The following TENM4 variants were observed in gnomAD, a reference collection of about 807,000 sequenced individuals.
TENM4 encodes teneurin transmembrane protein 4.
In TENM4, 82 loss-of-function variants were observed where a neutral mutation model predicts 243.3. That is an observed-to-expected ratio of 0.34 (90% confidence interval 0.28 to 0.40). TENM4 has a LOEUF of 0.40. Among genes scored for constraint, TENM4 ranks in the 10% least tolerant of loss-of-function variants. The pLI is 1.00. For synonymous variants in TENM4, 1,412 were observed against 1,456.3 expected, an observed-to-expected ratio of 0.97 and a Z score of 0.69; for missense variants, 3,138 against 3,673.3, an observed-to-expected ratio of 0.85 and a Z score of 3.77.
rs569082783 is a variant in TENM4, at chr11:79,132,345, C to CAAAAAAAAAAAAAAAAAAAAAAAAA, written c.-66+16364_-66+16365insTTTTTTTTTTTTTTTTTTTTTTTTT. ...TGGGAGAAAGAGCAAGACTCCAACT[C>CAAAAAAAAAAAAAAAAAAAAAAAAA]AAAAAAAAAAAAAAAAAGAGAAATG... On this transcript the variant is annotated intron_variant, in intron 4 of 33. Transcript: ENST00000278550. 3.2e-4 allele frequency among the ~76,000 whole-genome samples: 16 copies of CAAAAAAAAAAAAAAAAAAAAAAAAA among 49,942 alleles called. 2 individuals carry two copies. The highest frequency in any genetic ancestry group is 7.6e-4 in the African/African-American group (11 of 14,546). 32.8% of individuals were successfully genotyped at this position (49,942 alleles called of 152,430 possible).
chr11:79,171,223 A>C (rs1863032648), intron 3 of TENM4, among the ~76,000 whole-genome samples: 1 of 152,224 alleles, frequency 6.6e-6, no homozygotes, highest in African/African-American at 2.4e-5. Context: ...CTTGGTATCT[A>C]CAAATGTCCT....
At chr11:79,403,816 G>T (rs1590941685) in intron 1 of TENM4, among the ~76,000 whole-genome samples, 1 of 152,174 alleles carries the variant, frequency 6.6e-6, no homozygotes. Context: ...GGGGGTTGAG[G>T]GGGGTGGTGG....
intron 2 of TENM4, among the ~76,000 whole-genome samples, chr11:79,260,402 C>A (rs1009197653): frequency 2.6e-5 from 4 of 152,196 alleles, no homozygotes; most frequent in African/African-American, 7.2e-5. Flanking sequence ...TATGTCTGGA[C>A]ATGTGCTATG....
chr11:78,947,701 T>C lies in TENM4; in HGVS notation c.494-44178A>G, dbSNP rs531301250. Among the ~76,000 whole-genome samples, 80 of 152,342 alleles carry C rather than the reference T, an allele frequency of 5.3e-4. 1 individual carries two copies. The South Asian group carries it at 0.014, about 27-fold the overall frequency. ...GGATCACTTCTGGTGCCAAGGCAGT[T>C]TAACAAGTATGAATGTGCATAATTC... is the stretch of plus-strand genomic sequence containing the variant. On this transcript the variant is annotated intron_variant, in intron 6 of 33. Coordinates refer to ENST00000278550, the MANE Select transcript of TENM4 (RefSeq NM_001098816.3).
At chr11:79,429,081 C>A (rs1565342972) in intron 1 of TENM4, among the ~76,000 whole-genome samples, 1 of 152,136 alleles carries the variant, frequency 6.6e-6, no homozygotes, top group African/African-American at 2.4e-5. Context: ...TGCCTGACAG[C>A]AGCTCAGAGA....
chr11:78,808,547 C>A (rs1245035250), intron 14 of TENM4, among the ~76,000 whole-genome samples: 1 of 152,198 alleles, frequency 6.6e-6, no homozygotes, highest in East Asian at 1.9e-4. Context: ...AGTAGTATGG[C>A]AAATGGAAGA....
intron 6 of TENM4, among the ~76,000 whole-genome samples, chr11:78,904,536 C>T (rs1856021180): frequency 6.6e-6 from 1 of 151,896 alleles, no homozygotes; most frequent in East Asian, 1.9e-4. Context: ...TGCTGGGGTC[C>T]GGTGGTTAAA....
chr11:78,882,590 A>G (rs1034081796), intron 9 of TENM4, among the ~76,000 whole-genome samples: 2 of 152,334 alleles, frequency 1.3e-5, no homozygotes, highest in Admixed American at 1.3e-4. Flanking sequence ...AATTGCTACC[A>G]TACTGAAGTC....
intron 3 of TENM4, among the ~76,000 whole-genome samples, chr11:79,177,991 G>T (rs556248903): frequency 6.6e-6 from 1 of 152,302 alleles, no homozygotes; most frequent in Non-Finnish European, 1.5e-5. Flanking sequence ...GGAAGAACAG[G>T]TAGGAGGCTC....
In TENM4 at chr11:78,658,588, C is replaced by T. The variant is rs374802257; in HGVS notation, c.7780G>A (p.Val2594Ile). The change falls in exon 34 of 34, where the codon GTT (valine) becomes ATT (isoleucine). Residue 2594 changes from valine (V) to isoleucine (I), a missense_variant. Physicochemically the swap from Val to Ile is conservative, Grantham distance 29 (BLOSUM62 3). Transcript: ENST00000278550. ...TGGGCATGGTTCAAGATGGCAGCAA[C>T]CCTTCGCCCATCCTCATTGGCCACA... ...ISVANEDGRR[V>I]AAILNHAHYL... 1.1e-5 allele frequency: 17 copies of T among 1,613,914 alleles called. 1 individual carries two copies. The highest frequency in any genetic ancestry group is 8.0e-5 in the African/African-American group (6 of 74,946).
At chr11:78,930,185 A>G (rs1385458664) in intron 6 of TENM4, among the ~76,000 whole-genome samples, 1 of 152,224 alleles carries the variant, frequency 6.6e-6, no homozygotes, top group Non-Finnish European at 1.5e-5. Flanking sequence ...CCACATCAGT[A>G]CAAGTGCCTA....
intron 9 of TENM4, among the ~76,000 whole-genome samples, chr11:78,875,619 T>G (rs1411345686): frequency 6.6e-6 from 1 of 152,218 alleles, no homozygotes; most frequent in East Asian, 1.9e-4. Context: ...GAGGAGAGGA[T>G]GGGCTCTGGG....
chr11:79,066,651 C>T (rs920832854), intron 5 of TENM4, among the ~76,000 whole-genome samples: 18 of 151,904 alleles, frequency 1.2e-4, no homozygotes, highest in African/African-American at 4.1e-4. Context: ...AGTGCACACA[C>T]ACGTGCAAAC....
chr11:78,896,326 G>A (rs2136309760), intron 7 of TENM4, among the ~76,000 whole-genome samples: 1 of 152,256 alleles, frequency 6.6e-6, no homozygotes, highest in South Asian at 2.1e-4. Context: ...ACCACACAGA[G>A]TTAGTGATGG....
rs546531338 is a variant in TENM4 at position 79,275,082 on chromosome 11, G to T, written c.-265+22406C>A. Among the ~76,000 whole-genome samples the T allele has an allele frequency of 1.4e-4, 22 of 152,302 alleles. No individual in the cohort carries two copies. The East Asian group carries it at 4.1e-3, about 28-fold the overall frequency. ...GAAGATGTCTTTGTGGTCAGTAAAA[G>T]TTGGAACTCTGACAGACTGAATAAT... On this transcript the variant is annotated intron_variant, in intron 2 of 33. Transcript: ENST00000278550.
chr11:78,903,366 G>C lies in TENM4; in HGVS notation c.651C>G (p.Asp217Glu). 6.6e-7 allele frequency: 1 copy of C among 1,512,654 alleles called. No individual in the cohort carries two copies. Among genetic ancestry groups the C allele is most frequent in the Non-Finnish European group, 8.8e-7 (1 of 1,130,138 alleles). 93.7% of individuals were successfully genotyped at this position (1,512,654 alleles called of 1,614,324 possible). ...PRSNPSPAPT[D>E]HSLSGEPPAG... ...CAGGGGGCTCTCCGGAGAGCGAGTG[G>C]TCCGTGGGGGCCGGGCTGGGGTTGC... Residue 217 changes from aspartate (D) to glutamate (E), a missense_variant, in exon 7 of 34, where the codon GAC becomes GAG. Asp to Glu is a conservative substitution (Grantham distance 45). This residue lies in a region of TENM4 where 671 missense variants were observed against 614.1 expected (regional missense o/e 1.09). Transcript: ENST00000278550.
chr11:78,739,704 G>A (rs114812502), intron 19 of TENM4, among the ~76,000 whole-genome samples: 1 of 152,278 alleles, frequency 6.6e-6, no homozygotes, highest in African/African-American at 2.4e-5. Context: ...CGAATGAAAA[G>A]ATCTACGCTG....
At chr11:79,406,432 T>C (rs1336492463) in intron 1 of TENM4, among the ~76,000 whole-genome samples, 1 of 152,242 alleles carries the variant, frequency 6.6e-6, no homozygotes, top group Non-Finnish European at 1.5e-5. Context: ...CTCAGGTCTC[T>C]GTTAAACAGG....
At chr11:78,805,154 A>G (rs1857360486) in intron 15 of TENM4, 138 bp downstream of exon 15, 1 of 603,072 alleles carries the variant, frequency 1.7e-6, no homozygotes. Context: ...TGAAGGCTAG[A>G]GTTCAGAGAA....
Sources: gnomAD v4.1 joint callset for allele counts (sites outside exome capture counted in the v4.1 genomes callset) on GRCh38, gnomAD v4.1.1 for gene constraint, gnomAD v4.1.1 regional missense constraint, MANE v1.5 for transcripts, NCBI Gene and HGNC (gene_info 2026-07-23, HGNC 2026-07-21) for gene names.